Variants in GLB1L3 observed in about 807,000 individuals in gnomAD.
GLB1L3 encodes beta-galactosidase-1-like protein 3.
Under a neutral mutation model 89.5 loss-of-function variants are expected in GLB1L3, and 89 were observed. The ratio of observed to expected loss-of-function variants is 0.99; its 90% CI spans 0.84 to 1.19. The LOEUF is 1.19. GLB1L3 is among the 50% of genes most tolerant of loss of function. GLB1L3 has a pLI of 0.00. For synonymous variants in GLB1L3, 314 were observed against 312.3 expected (o/e 1.01, Z -0.06); for missense variants, 812 against 813.3 (o/e 1.00, Z 0.02).
At chr11:134,278,002 G>A (rs1209394717) in intron 3 of GLB1L3, 90 bp downstream of exon 3, 10 of 1,259,868 alleles carry the variant, frequency 7.9e-6, no homozygotes, top group African/African-American at 1.5e-5. Context: ...GGGGCCCAGC[G>A]TGAGGACTTA....
At chr11:134,285,932 G>A (rs1260440226) in intron 6 of GLB1L3, among the ~76,000 whole-genome samples, 14 of 141,172 alleles carry the variant, frequency 9.9e-5, no homozygotes, top group South Asian at 2.3e-4. Context: ...TTTTGGAGAC[G>A]GAGTCTCACT....
rs753110925 is a variant in GLB1L3, at chr11:134,313,402, C to G, written c.1507C>G (p.Arg503Gly). Residue 503 changes from arginine to glycine, a missense_variant, in exon 16 of 20, where the codon CGA becomes GGA. By Grantham distance (125) the Arg-to-Gly change is moderately radical. Transcript: ENST00000431683. ...DLHIPELRDCRYLRILVENQG... is the reference protein window; with the variant it reads ...DLHIPELRDCGYLRILVENQG... ...ACCTGGCCTGTCCCAGCAGGACTGC[C>G]GATACCTGAGGATCCTGGTGGAGAA... The G allele has an allele frequency of 6.3e-7, 1 of 1,579,650 alleles. No homozygotes were observed. Among genetic ancestry groups the G allele is most frequent in the South Asian group, 1.2e-5 (1 of 85,864 alleles).
chr11:134,308,157 A>ACACCAC (rs1211294905), intron 10 of GLB1L3, among the ~76,000 whole-genome samples: 1 of 79,932 alleles, frequency 1.3e-5, no homozygotes, highest in Non-Finnish European at 2.6e-5. Context: ...ATCATCACCA[A>ACACCAC]CACCACCACC....
At chr11:134,303,843 G>A (rs1942058536) in intron 9 of GLB1L3, among the ~76,000 whole-genome samples, 1 of 151,866 alleles carries the variant, frequency 6.6e-6, no homozygotes, top group African/African-American at 2.4e-5. Flanking sequence ...GTCTGTTTAT[G>A]GCAGACTCTC....
At chr11:134,277,063 T>C in intron 1 of GLB1L3, 1 of 566,948 alleles carries the variant, frequency 1.8e-6, no homozygotes, top group Non-Finnish European at 3.1e-6. Flanking sequence ...CCTCCGCCTC[T>C]CCCAGGCACC....
At chr11:134,291,201 C>T (rs961558432) in intron 7 of GLB1L3, among the ~76,000 whole-genome samples, 3 of 151,892 alleles carry the variant, frequency 2.0e-5, no homozygotes, top group Admixed American at 6.6e-5. Flanking sequence ...GACACAAAAT[C>T]GGTCGGTGTT....
chr11:134,296,698 G>T (rs1295617063), intron 9 of GLB1L3, among the ~76,000 whole-genome samples: 4 of 115,992 alleles, frequency 3.4e-5, no homozygotes, highest in Non-Finnish European at 6.8e-5. Context: ...GTTGTGGGGT[G>T]GGGGGAGGGG....
At chr11:134,308,482 A>ATGT (rs1942482109) in intron 10 of GLB1L3, among the ~76,000 whole-genome samples, 1 of 6,050 alleles carries the variant, frequency 1.7e-4, no homozygotes, top group Non-Finnish European at 3.5e-4. Flanking sequence ...AAATACCACC[A>ATGT]CCACCATCAC....
downstream of GLB1L3, among the ~76,000 whole-genome samples, chr11:134,319,756 G>A (rs528848839): frequency 4.8e-4 from 72 of 151,544 alleles, no homozygotes; most frequent in African/African-American, 1.4e-3. Context: ...GTGCGCGCGC[G>A]CGTGCATGTG....
In GLB1L3 at chr11:134,280,391, G is replaced by A. The variant is rs542573981; in HGVS notation, c.363-986G>A. On this transcript the variant is annotated intron_variant, in intron 3 of 19. Transcript: ENST00000431683. ...TTTTCATACTTAGTTGTACAGATGC[G>A]CTTTTTAAGGGAATGTAGATGCTCC... is the stretch of plus-strand genomic sequence containing the variant. 4.6e-5 allele frequency among the ~76,000 whole-genome samples: 7 copies of A among 152,096 alleles called. No individual in the cohort carries two copies. The South Asian group carries it at 1.2e-3, about 27-fold the overall frequency.
chr11:134,289,690 C>T lies in GLB1L3; in HGVS notation c.729+800C>T, dbSNP rs571815181. ...GCTTCAAGAACTTAGTGATGGGACT[C>T]TCAGCTTGAAGCTTTCTGGCCTGTA... On this transcript the variant is annotated intron_variant, in intron 7 of 19. Coordinates refer to ENST00000431683, the MANE Select transcript of GLB1L3 (RefSeq NM_001080407.3). Among the ~76,000 whole-genome samples, 29 of 152,328 alleles carry T rather than the reference C, an allele frequency of 1.9e-4. 1 individual carries two copies. The South Asian group carries it at 6.0e-3, about 32-fold the overall frequency.
rs1463814398 is a variant in GLB1L3, at chr11:134,312,832, C to T, written c.1445C>T (p.Thr482Ile). Residue 482 changes from threonine to isoleucine, a missense_variant, in exon 15 of 20, where the codon ACA (threonine) becomes ATA (isoleucine). Physicochemically the swap from Thr to Ile is moderately conservative, Grantham distance 89 (BLOSUM62 -1). Coordinates refer to ENST00000431683, the MANE Select transcript of GLB1L3 (RefSeq NM_001080407.3). ...CTTTTGCAGGTGTTTTTGGATGAGA[C>T]AATGATAGGGATTCTGAATGAGAAT... ...HDVAQVFLDETMIGILNENNK... is the reference protein window; with the variant it reads ...HDVAQVFLDEIMIGILNENNK... 1.9e-6 allele frequency: 3 copies of T among 1,611,778 alleles called. No homozygotes were observed. The highest frequency in any genetic ancestry group is 2.5e-6 in the Non-Finnish European group (3 of 1,178,774).
In GLB1L3 at chr11:134,277,410, A is replaced by G. The variant is rs374355226; in HGVS notation, c.108A>G (p.Glu36=). The G allele has an allele frequency of 2.5e-5, 41 of 1,613,832 alleles. No homozygotes were observed. Among genetic ancestry groups the G allele is most frequent in the Non-Finnish European group, 3.4e-5 (40 of 1,179,864 alleles). Residue 36 remains glutamate (E), a synonymous_variant, in exon 2 of 20, where the codon GAA becomes GAG. Coordinates refer to ENST00000431683, the MANE Select transcript of GLB1L3 (RefSeq NM_001080407.3). ...GTTTTGCTCCTCGGTTTAAGCAGGA[A>G]GAGAACTTCATGCTTGGAAGAGCGC... ...SSGFAPRFKQ[E]ENFMLGRAHP... is the part of the protein sequence containing the mutation.
At chr11:134,280,625 G>A (rs968706153) in intron 3 of GLB1L3, among the ~76,000 whole-genome samples, 1 of 151,374 alleles carries the variant, frequency 6.6e-6, no homozygotes, top group Non-Finnish European at 1.5e-5. Flanking sequence ...CTTTACTTAC[G>A]GCAAGCTATG....
downstream of GLB1L3, among the ~76,000 whole-genome samples, chr11:134,322,815 G>A (rs1444360205): frequency 2.6e-5 from 4 of 152,102 alleles, no homozygotes; most frequent in African/African-American, 9.7e-5. Flanking sequence ...CCATTCATCA[G>A]TGGATGATTA....
At chr11:134,320,995 A>C (rs1300437655), downstream of GLB1L3, among the ~76,000 whole-genome samples, 2 of 152,236 alleles carry the variant, frequency 1.3e-5, no homozygotes, top group African/African-American at 4.8e-5. Flanking sequence ...ACAGTTGAGA[A>C]GAAATTTCTA....
rs1941375080 is a variant in GLB1L3 at position 134,291,789 on chromosome 11, A to G, written c.730-343A>G. ...CAGGAGTTTGAGACCAGGCTGGGCAACATAGTGAGCCCCCGTTTCTACTAA... is the reference window on the plus strand; with the variant it reads ...CAGGAGTTTGAGACCAGGCTGGGCAGCATAGTGAGCCCCCGTTTCTACTAA... On this transcript the variant is annotated intron_variant, in intron 7 of 19. Coordinates refer to ENST00000431683, the MANE Select transcript of GLB1L3 (RefSeq NM_001080407.3). Among the ~76,000 whole-genome samples, 2 of 152,148 alleles carry G rather than the reference A, an allele frequency of 1.3e-5. 1 individual carries two copies. The highest frequency in any genetic ancestry group is 3.9e-4 in the East Asian group (2 of 5,184).
intron 6 of GLB1L3, among the ~76,000 whole-genome samples, chr11:134,285,311 C>A (rs929851003): frequency 1.3e-5 from 2 of 152,136 alleles, no homozygotes; most frequent in South Asian, 4.1e-4. Flanking sequence ...CTAGAGCACA[C>A]AGTCAGGTCT....
intron 3 of GLB1L3, among the ~76,000 whole-genome samples, chr11:134,278,958 C>T (rs1182464831): frequency 6.6e-6 from 1 of 152,154 alleles, no homozygotes; most frequent in Non-Finnish European, 1.5e-5. Flanking sequence ...CTCTGCTTGG[C>T]TCTGAGATAG....
Sources: gnomAD v4.1 joint callset for allele counts (sites outside exome capture counted in the v4.1 genomes callset) on GRCh38, gnomAD v4.1.1 for gene constraint, MANE v1.5 for transcripts, NCBI Gene and HGNC (gene_info 2026-07-23, HGNC 2026-07-21) for gene names.